HPSE2: variants seen among roughly 807,000 people sequenced by gnomAD.
The protein encoded by HPSE2 is inactive heparanase-2.
Under a neutral mutation model 60.5 loss-of-function variants are expected in HPSE2, and 38 were observed. That is an observed-to-expected ratio of 0.63 (90% CI 0.48 to 0.82). HPSE2 has a LOEUF of 0.82. Among genes scored for constraint, HPSE2 ranks in the 40% least tolerant of loss-of-function variants. HPSE2 has a pLI of 0.00. For missense variants in HPSE2, 713 were observed against 740.4 expected (o/e 0.96, Z 0.43); for synonymous variants, 295 against 293.2 (o/e 1.01, Z -0.06).
intron 11 of HPSE2, among the ~76,000 whole-genome samples, chr10:98,461,337 C>G (rs1160309389): frequency 6.6e-6 from 1 of 152,196 alleles, no homozygotes; most frequent in African/African-American, 2.4e-5. Context: ...GCTAGAATGA[C>G]TGAGTGAATA....
chr10:98,846,732 C>A (rs1221777106), intron 3 of HPSE2, among the ~76,000 whole-genome samples: 1 of 152,162 alleles, frequency 6.6e-6, no homozygotes, highest in Admixed American at 6.5e-5. Context: ...AATGCTATGA[C>A]ACATTGTTTT....
chr10:98,597,413 C>T (rs538910865), intron 9 of HPSE2, among the ~76,000 whole-genome samples: 15 of 152,034 alleles, frequency 9.9e-5, no homozygotes, highest in Middle Eastern at 3.4e-3. Context: ...ACCTGTAATC[C>T]CAGCACTTTG....
intron 2 of HPSE2, among the ~76,000 whole-genome samples, chr10:99,152,545 T>G (rs1846314563): frequency 6.6e-6 from 1 of 152,176 alleles, no homozygotes; most frequent in African/African-American, 2.4e-5. Context: ...TATGTTTTAG[T>G]TATACCATAT....
intron 3 of HPSE2, among the ~76,000 whole-genome samples, chr10:98,965,428 A>G (rs905380198): frequency 2.4e-5 from 3 of 123,316 alleles, no homozygotes; most frequent in East Asian, 2.7e-4. Context: ...TGGGGTAAAT[A>G]CAAATTAAGT....
chr10:99,236,343 T>G (rs933886299), upstream of HPSE2, among the ~76,000 whole-genome samples: 1 of 151,286 alleles, frequency 6.6e-6, no homozygotes, highest in Non-Finnish European at 1.5e-5. Context: ...TGGAGGGCGG[T>G]TCAAGCTCCG....
intron 3 of HPSE2, among the ~76,000 whole-genome samples, chr10:98,766,950 A>C (rs1053019301): frequency 2.0e-4 from 31 of 152,000 alleles, no homozygotes; most frequent in African/African-American, 3.1e-4. Flanking sequence ...AACAAAAAAA[A>C]CCCCACAATA....
At chr10:98,676,476 A>C (rs1342671673) in intron 6 of HPSE2, among the ~76,000 whole-genome samples, 1 of 152,206 alleles carries the variant, frequency 6.6e-6, no homozygotes, top group African/African-American at 2.4e-5. Flanking sequence ...AAGAATCATT[A>C]CAATTTCTTA....
chr10:98,998,142 T>C (rs910896287), intron 3 of HPSE2, among the ~76,000 whole-genome samples: 1 of 152,178 alleles, frequency 6.6e-6, no homozygotes, highest in South Asian at 2.1e-4. Context: ...AAGGTCTTTA[T>C]CTTCATGTCA....
intron 3 of HPSE2, among the ~76,000 whole-genome samples, chr10:98,839,762 C>T (rs1011775323): frequency 5.9e-5 from 9 of 152,132 alleles, no homozygotes; most frequent in African/African-American, 1.4e-4. Flanking sequence ...TGACAATGCA[C>T]ATATGGGCAC....
At chr10:98,904,601 G>A (rs1953758134) in intron 3 of HPSE2, among the ~76,000 whole-genome samples, 1 of 152,008 alleles carries the variant, frequency 6.6e-6, no homozygotes, top group Non-Finnish European at 1.5e-5. Context: ...CACAAATTAG[G>A]ACCTAAGCAT....
intron 3 of HPSE2, among the ~76,000 whole-genome samples, chr10:98,890,019 T>C (rs1042168326): frequency 6.6e-6 from 1 of 152,178 alleles, no homozygotes; most frequent in Non-Finnish European, 1.5e-5. Flanking sequence ...CAATCTCTAA[T>C]TTTCAGAATG....
chr10:98,874,862 G>A (rs1210184771), intron 3 of HPSE2, among the ~76,000 whole-genome samples: 1 of 152,056 alleles, frequency 6.6e-6, no homozygotes, highest in African/African-American at 2.4e-5. Flanking sequence ...GATCTATTAA[G>A]ATAATCATGT....
intron 9 of HPSE2, among the ~76,000 whole-genome samples, chr10:98,551,998 C>T (rs918087760): frequency 7.2e-5 from 11 of 152,112 alleles, no homozygotes; most frequent in African/African-American, 2.7e-4. Context: ...ACTTGGCAAA[C>T]ACCTAACTAG....
intron 8 of HPSE2, among the ~76,000 whole-genome samples, chr10:98,620,025 A>C (rs1946029683): frequency 6.6e-6 from 1 of 152,210 alleles, no homozygotes; most frequent in Non-Finnish European, 1.5e-5. Flanking sequence ...CTCATCCGTA[A>C]ATGGGATAAT....
intron 4 of HPSE2, among the ~76,000 whole-genome samples, chr10:98,734,199 C>T (rs1357350520): frequency 6.6e-6 from 1 of 152,088 alleles, no homozygotes; most frequent in East Asian, 1.9e-4. Flanking sequence ...CATTTTGCAG[C>T]ACATAGTATT....
chr10:99,242,807 G>C, the HPSE2 span, among the ~76,000 whole-genome samples: 1 of 152,136 alleles, frequency 6.6e-6, no homozygotes, highest in Non-Finnish European at 1.5e-5. Flanking sequence ...ACAGGCATAA[G>C]ATTACTTCCC....
the HPSE2 span, among the ~76,000 whole-genome samples, chr10:99,299,270 C>T: frequency 6.6e-6 from 1 of 152,152 alleles, no homozygotes; most frequent in African/African-American, 2.4e-5. Flanking sequence ...GGAAGTAAGC[C>T]GGACCAGTAC....
intron 3 of HPSE2, among the ~76,000 whole-genome samples, chr10:98,959,357 GGAAA>G (rs1955589079): frequency 8.5e-6 from 1 of 117,778 alleles, no homozygotes; most frequent in Admixed American, 9.3e-5. Flanking sequence ...AACTATCTCT[GGAAA>G]AAAAAAAAAA....
At chr10:99,273,712 G>A in the HPSE2 span, among the ~76,000 whole-genome samples, 2 of 152,180 alleles carry the variant, frequency 1.3e-5, no homozygotes, top group Non-Finnish European at 2.9e-5. Flanking sequence ...AAAATGGGCA[G>A]AAGGACAGAC....
Sources: allele counts gnomAD v4.1 joint callset (sites outside exome capture counted in the v4.1 genomes callset), GRCh38; gene constraint gnomAD v4.1.1; transcripts MANE v1.5; gene names NCBI Gene and HGNC (gene_info 2026-07-23, HGNC 2026-07-21).